Variants in BMP5 observed in about 807,000 individuals in gnomAD.
BMP5 encodes bone morphogenetic protein 5.
Under a neutral mutation model 46.6 loss-of-function variants are expected in BMP5, and 23 were observed. The observed-to-expected ratio is 0.49, with a 90% confidence interval of 0.35 to 0.70. The LOEUF (loss-of-function observed/expected upper bound fraction) is 0.70, where lower values mean the gene tolerates loss of function less well. BMP5 is among the 30% of genes least tolerant of loss of function. The pLI, the probability that BMP5 is intolerant of heterozygous loss-of-function variation, is 0.00. For synonymous variants in BMP5, 204 were observed against 191.9 expected, an observed-to-expected ratio of 1.06 and a Z score of -0.52; for missense variants, 545 against 565.6, an observed-to-expected ratio of 0.96 and a Z score of 0.37.
intron 1 of BMP5, among the ~76,000 whole-genome samples, chr6:55,860,835 T>C (rs1270891876): frequency 6.6e-6 from 1 of 152,214 alleles, no homozygotes; most frequent in East Asian, 1.9e-4. Flanking sequence ...CTTCTGCATT[T>C]TGCTTTGAGA....
At chr6:55,797,187 C>G (rs991106093) in intron 2 of BMP5, among the ~76,000 whole-genome samples, 2 of 152,152 alleles carry the variant, frequency 1.3e-5, no homozygotes, top group African/African-American at 4.8e-5. Context: ...CAAGTCCCCC[C>G]CAACCCCATT....
chr6:55,797,745 T>C (rs957733635), intron 2 of BMP5, among the ~76,000 whole-genome samples: 1 of 151,282 alleles, frequency 6.6e-6, no homozygotes, highest in Non-Finnish European at 1.5e-5. Context: ...GCCTCCCGAG[T>C]AGCTGGGACT....
At chr6:55,855,665 T>C (rs1253222262) in intron 1 of BMP5, among the ~76,000 whole-genome samples, 1 of 152,196 alleles carries the variant, frequency 6.6e-6, no homozygotes, top group Admixed American at 6.5e-5. Context: ...TGGAGTATGT[T>C]TAATCAGATG....
At chr6:55,811,692 T>C (rs1457535690) in intron 2 of BMP5, among the ~76,000 whole-genome samples, 1 of 151,846 alleles carries the variant, frequency 6.6e-6, no homozygotes, top group Non-Finnish European at 1.5e-5. Flanking sequence ...TTTCTCCCTC[T>C]CTCTCTCTTT....
At chr6:55,772,944 T>C (rs1269721308) in intron 4 of BMP5, 2 of 983,996 alleles carry the variant, frequency 2.0e-6, no homozygotes, top group Non-Finnish European at 2.4e-6. Context: ...ATAAAGGTCG[T>C]CATCTATTTC....
intron 1 of BMP5, among the ~76,000 whole-genome samples, chr6:55,829,717 A>C (rs1776620032): frequency 6.6e-6 from 1 of 151,962 alleles, no homozygotes; most frequent in Admixed American, 6.6e-5. Flanking sequence ...CCATGCAAAA[A>C]AAATAACATT....
chr6:55,835,460 C>T (rs1776770720), intron 1 of BMP5, among the ~76,000 whole-genome samples: 1 of 152,186 alleles, frequency 6.6e-6, no homozygotes, highest in Admixed American at 6.6e-5. Context: ...TACATACTAA[C>T]TTGCAAATCA....
At chr6:55,867,779 CGAGGAAGGT>C (rs1308620760) in intron 1 of BMP5, among the ~76,000 whole-genome samples, 1 of 152,110 alleles carries the variant, frequency 6.6e-6, no homozygotes, top group Non-Finnish European at 1.5e-5. Context: ...CAACATTCAT[CGAGGAAGGT>C]GATCTTATTA....
chr6:55,784,497 G>T (rs1775400765), intron 3 of BMP5, among the ~76,000 whole-genome samples: 1 of 151,460 alleles, frequency 6.6e-6, no homozygotes, highest in South Asian at 2.1e-4. Flanking sequence ...TTAAGAAGAG[G>T]GGGTTTGTTA....
At chr6:55,797,658 C>T (rs1775749244) in intron 2 of BMP5, among the ~76,000 whole-genome samples, 1 of 148,720 alleles carries the variant, frequency 6.7e-6, no homozygotes, top group East Asian at 2.0e-4. Context: ...GCTCTGTCGC[C>T]CAGGCTGGAG....
intron 3 of BMP5, among the ~76,000 whole-genome samples, chr6:55,783,402 T>C (rs1021252712): frequency 3.9e-5 from 6 of 152,034 alleles, no homozygotes; most frequent in Admixed American, 2.6e-4. Context: ...TTGGTTTTCC[T>C]CTCTCTCTTA....
chr6:55,831,361 C>T (rs977206668), intron 1 of BMP5, among the ~76,000 whole-genome samples: 1 of 151,908 alleles, frequency 6.6e-6, no homozygotes, highest in African/African-American at 2.4e-5. Context: ...AAATTCTCCA[C>T]CTTGAGATAT....
intron 3 of BMP5, among the ~76,000 whole-genome samples, chr6:55,789,292 T>G (rs1775520755): frequency 6.6e-6 from 1 of 151,972 alleles, no homozygotes; most frequent in Non-Finnish European, 1.5e-5. Context: ...ATAGGGCTTT[T>G]TAAAAGACAT....
intron 1 of BMP5, among the ~76,000 whole-genome samples, chr6:55,829,427 A>G (rs972338449): frequency 6.6e-6 from 1 of 151,822 alleles, no homozygotes; most frequent in Non-Finnish European, 1.5e-5. Context: ...TCAAAAGCAG[A>G]ACCCCTCAAC....
chr6:55,764,380 T>C (rs576352217), intron 4 of BMP5, among the ~76,000 whole-genome samples: 8 of 152,140 alleles, frequency 5.3e-5, no homozygotes, highest in Admixed American at 2.0e-4. Flanking sequence ...GACACCATTC[T>C]GGCTAACACG....
chr6:55,813,448 ATTAACATTATTATT>A (rs1177778427), intron 2 of BMP5, among the ~76,000 whole-genome samples: 4 of 152,000 alleles, frequency 2.6e-5, no homozygotes, highest in African/African-American at 9.7e-5. Context: ...GTTTGGGTCA[ATTAACATTATTATT>A]TGAGCATTTT....
At chr6:55,817,173 A>G (rs1373579647) in intron 2 of BMP5, among the ~76,000 whole-genome samples, 2 of 152,218 alleles carry the variant, frequency 1.3e-5, no homozygotes, top group Non-Finnish European at 2.9e-5. Flanking sequence ...TAGTTCAACC[A>G]TTGTGGAAGA....
At chr6:55,857,370 T>C (rs1191028489) in intron 1 of BMP5, among the ~76,000 whole-genome samples, 1 of 152,214 alleles carries the variant, frequency 6.6e-6, no homozygotes, top group Non-Finnish European at 1.5e-5. Flanking sequence ...TAAATATGTA[T>C]AATGAAAACC....
chr6:55,813,113 C>T (rs1776173087), intron 2 of BMP5, among the ~76,000 whole-genome samples: 1 of 152,100 alleles, frequency 6.6e-6, no homozygotes, highest in African/African-American at 2.4e-5. Flanking sequence ...ATGAGAGCAA[C>T]TGATTTTTAA....
Sources: allele counts gnomAD v4.1 joint callset (sites outside exome capture counted in the v4.1 genomes callset), GRCh38; gene constraint gnomAD v4.1.1; transcripts MANE v1.5; gene names NCBI Gene and HGNC (gene_info 2026-07-23, HGNC 2026-07-21).